The following ACBD6 variants were observed in gnomAD, a reference collection of about 807,000 sequenced individuals.
The protein encoded by ACBD6 is acyl-CoA-binding domain-containing protein 6.
Under a neutral mutation model 37.2 loss-of-function variants are expected in ACBD6, and 28 were observed. The observed-to-expected ratio is 0.75, with a 90% CI of 0.56 to 1.03. The LOEUF (loss-of-function observed/expected upper bound fraction) is 1.03, where lower values mean the gene tolerates loss of function less well. Ranked by LOEUF, ACBD6 falls within the 50% of genes least tolerant of loss-of-function variation. ACBD6 has a pLI of 0.00. For synonymous variants in ACBD6, 113 were observed against 126.8 expected, an observed-to-expected ratio of 0.89 and a Z score of 0.73; for missense variants, 340 against 337.4, an observed-to-expected ratio of 1.01 and a Z score of -0.06.
intron 3 of ACBD6, among the ~76,000 whole-genome samples, chr1:180,474,772 T>A (rs1239118169): frequency 6.6e-6 from 1 of 152,234 alleles, no homozygotes; most frequent in African/African-American, 2.4e-5. Flanking sequence ...TTTGTACCAG[T>A]GTATTTTTAA....
intron 6 of ACBD6, among the ~76,000 whole-genome samples, chr1:180,377,745 T>G (rs1229295741): frequency 6.6e-6 from 1 of 151,868 alleles, no homozygotes; most frequent in Non-Finnish European, 1.5e-5. Flanking sequence ...GTCGGGAGTT[T>G]GAGACCAGCC....
At chr1:180,363,605 C>G (rs1418100) in intron 6 of ACBD6, among the ~76,000 whole-genome samples, 145,380 of 152,242 alleles carry the variant, frequency 0.95, 69,478 homozygotes, top group African/African-American at 0.99. Flanking sequence ...GGAGGGAGGA[C>G]TGAAAGGAAT....
At chr1:180,345,429 T>A (rs1652142255) in intron 6 of ACBD6, among the ~76,000 whole-genome samples, 1 of 152,168 alleles carries the variant, frequency 6.6e-6, no homozygotes, top group Non-Finnish European at 1.5e-5. Flanking sequence ...TACATTAGTA[T>A]AAATCATTTA....
chr1:180,271,812 T>C, exon 14 of ACBD6: 2 of 1,613,656 alleles, frequency 1.2e-6, no homozygotes, highest in Non-Finnish European at 8.5e-7. Context: ...CCCCTGAGTA[T>C]GTCCCTTGTG....
exon 14 of ACBD6, chr1:180,270,003 C>T (rs985705462): frequency 6.6e-6 from 1 of 152,262 alleles, no homozygotes; most frequent in East Asian, 1.9e-4. Flanking sequence ...TGTGTCCCCC[C>T]TCACTGTGTA....
At chr1:180,323,530 C>G (rs1421235970) in intron 6 of ACBD6, among the ~76,000 whole-genome samples, 1 of 151,576 alleles carries the variant, frequency 6.6e-6, no homozygotes, top group South Asian at 2.1e-4. Flanking sequence ...GTATTGGGGT[C>G]TCTCTCTCTC....
At chr1:180,497,053 G>C (rs1254510735) in intron 1 of ACBD6, among the ~76,000 whole-genome samples, 1 of 152,208 alleles carries the variant, frequency 6.6e-6, no homozygotes, top group African/African-American at 2.4e-5. Context: ...ATGCTAAATA[G>C]AGTCTGGGCT....
At chr1:180,441,279 G>C (rs767366483) in intron 3 of ACBD6, among the ~76,000 whole-genome samples, 28 of 152,122 alleles carry the variant, frequency 1.8e-4, no homozygotes, top group Non-Finnish European at 1.5e-5. Context: ...ATAAACTTGA[G>C]AGTTCATTTC....
At chr1:180,484,357 G>C (rs1651174774) in intron 3 of ACBD6, among the ~76,000 whole-genome samples, 1 of 152,172 alleles carries the variant, frequency 6.6e-6, no homozygotes, top group African/African-American at 2.4e-5. Flanking sequence ...AAAAAACAAA[G>C]TAAGATTCCT....
chr1:180,297,926 G>T (rs1649986749), intron 7 of ACBD6, among the ~76,000 whole-genome samples: 1 of 152,112 alleles, frequency 6.6e-6, no homozygotes, highest in Non-Finnish European at 1.5e-5. Flanking sequence ...GTATTTTTTA[G>T]TAGAGGTGGG....
At chr1:180,452,321 T>A (rs1430284407) in intron 3 of ACBD6, among the ~76,000 whole-genome samples, 3 of 151,774 alleles carry the variant, frequency 2.0e-5, no homozygotes, top group African/African-American at 7.3e-5. Context: ...AATACAAAAA[T>A]TACCTGGGCA....
intron 6 of ACBD6, among the ~76,000 whole-genome samples, chr1:180,394,546 G>A (rs1050258868): frequency 2.0e-5 from 3 of 152,026 alleles, no homozygotes; most frequent in Non-Finnish European, 4.4e-5. Flanking sequence ...TTGCCCAACC[G>A]GATTTAAAAA....
chr1:180,409,194 G>A (rs1647751716), intron 5 of ACBD6, among the ~76,000 whole-genome samples: 1 of 152,000 alleles, frequency 6.6e-6, no homozygotes, highest in African/African-American at 2.4e-5. Context: ...AATGTAAGAA[G>A]GATGCAGGTA....
intron 6 of ACBD6, chr1:180,326,346 T>C (rs1411489643): frequency 6.6e-6 from 1 of 152,468 alleles, no homozygotes; most frequent in African/African-American, 2.4e-5. Flanking sequence ...CCACTGCCGA[T>C]ATTCACTGAA....
intron 5 of ACBD6, among the ~76,000 whole-genome samples, chr1:180,401,985 T>A (rs1487736929): frequency 6.6e-6 from 1 of 152,152 alleles, no homozygotes; most frequent in East Asian, 1.9e-4. Flanking sequence ...ATCAAACACA[T>A]ATAGTATATG....
At chr1:180,293,715 G>A (rs1390068901) in intron 7 of ACBD6, among the ~76,000 whole-genome samples, 2 of 152,090 alleles carry the variant, frequency 1.3e-5, no homozygotes, top group African/African-American at 2.4e-5. Context: ...TAAATATAGA[G>A]CTATCCAGAT....
chr1:180,277,684 AC>A (rs1455268094), intron 9 of ACBD6: 3 of 152,106 alleles, frequency 2.0e-5, no homozygotes, highest in Non-Finnish European at 4.4e-5. Context: ...TTGCTATGCA[AC>A]CTCAGGCAAA....
At chr1:180,380,184 C>T (rs1408594293) in intron 6 of ACBD6, among the ~76,000 whole-genome samples, 1 of 152,090 alleles carries the variant, frequency 6.6e-6, no homozygotes, top group Non-Finnish European at 1.5e-5. Flanking sequence ...TTGCTTGAGC[C>T]CGGGAAATCA....
chr1:180,319,470 C>G (rs572021685), intron 6 of ACBD6, among the ~76,000 whole-genome samples: 1 of 152,300 alleles, frequency 6.6e-6, no homozygotes, highest in African/African-American at 2.4e-5. Context: ...GTATCCATCC[C>G]CTCAAGCATT....
Sources: gnomAD v4.1 joint callset for allele counts (sites outside exome capture counted in the v4.1 genomes callset) on GRCh38, gnomAD v4.1.1 for gene constraint, MANE v1.5 for transcripts, NCBI Gene and HGNC (gene_info 2026-07-23, HGNC 2026-07-21) for gene names.